LDAH: variants seen among roughly 807,000 people sequenced by gnomAD.
LDAH encodes lipid droplet associated hydrolase, also known as lipid droplet-associated hydrolase.
A neutral mutation model predicts 29.6 loss-of-function variants in LDAH; 26 were observed. That is an observed-to-expected ratio of 0.88 (90% CI 0.64 to 1.22). LDAH has a LOEUF of 1.22. Ranked by LOEUF, LDAH falls within the 50% of genes most tolerant of loss-of-function variation. The pLI, the probability that LDAH is intolerant of heterozygous loss-of-function variation, is 0.00. For missense variants in LDAH, 344 were observed against 387.3 expected (o/e 0.89, Z 0.94); for synonymous variants, 117 against 133.0 (o/e 0.88, Z 0.83).
chr2:20,703,087 A>G (rs1479983438), intron 5 of LDAH, among the ~76,000 whole-genome samples: 5 of 152,208 alleles, frequency 3.3e-5, no homozygotes, highest in Non-Finnish European at 7.3e-5. Context: ...TGGCCTCTCA[A>G]AGTGCTGGGA....
chr2:20,695,285 T>C (rs901461022), intron 6 of LDAH, among the ~76,000 whole-genome samples: 1 of 152,182 alleles, frequency 6.6e-6, no homozygotes, highest in African/African-American at 2.4e-5. Flanking sequence ...TCAGCATCAC[T>C]AATACCTTTC....
intron 4 of LDAH, among the ~76,000 whole-genome samples, chr2:20,746,745 GT>G (rs1233067506): frequency 6.6e-6 from 1 of 151,506 alleles, no homozygotes; most frequent in Non-Finnish European, 1.5e-5. Flanking sequence ...TGTGGTGAAG[GT>G]TTCCAAATCT....
At chr2:20,733,223 TTAA>T (rs767711655) in intron 5 of LDAH, among the ~76,000 whole-genome samples, 40 of 151,502 alleles carry the variant, frequency 2.6e-4, no homozygotes, top group Non-Finnish European at 5.0e-4. Context: ...AGTTTTATTA[TTAA>T]TTATTAATAA....
chr2:20,746,274 T>C (rs1332699350), intron 4 of LDAH, among the ~76,000 whole-genome samples: 1 of 152,204 alleles, frequency 6.6e-6, no homozygotes, highest in Non-Finnish European at 1.5e-5. Context: ...AATCCATTAC[T>C]TTTATAAACG....
Position 20,686,869 on chromosome 2 carries a change from G to T in LDAH, c.*34C>A. On this transcript the variant is annotated 3_prime_UTR_variant, in exon 7 of 7. Transcript: ENST00000237822. ...AGTCTAGTACACTGACTGCCTCCAT[G>T]TACTGGCAGTGGGGGCTTGTTCCTC... 6.4e-7 allele frequency: 1 copy of T among 1,572,644 alleles called. No homozygotes were observed. The highest frequency in any genetic ancestry group is 8.7e-7 in the Non-Finnish European group (1 of 1,148,880).
chr2:20,698,841 C>T lies in LDAH; in HGVS notation c.786+2729G>A, dbSNP rs1313039623. On this transcript the variant is annotated intron_variant, in intron 6 of 6. Transcript: ENST00000237822. The surrounding 1 kb of genome is among the most constrained non-coding windows in gnomAD (Gnocchi z 4.4). ...CAATACTGTGTATAAAGTCACTGGA[C>T]CTCAGAAGGAGGATAATCAGCTCAA... Among the ~76,000 whole-genome samples the T allele has an allele frequency of 1.3e-5, 2 of 152,096 alleles. No homozygotes were observed. Among genetic ancestry groups the T allele is most frequent in the Non-Finnish European group, 2.9e-5 (2 of 68,026 alleles).
intron 6 of LDAH, among the ~76,000 whole-genome samples, chr2:20,690,729 A>G (rs1662947616): frequency 6.6e-6 from 1 of 152,174 alleles, no homozygotes; most frequent in Admixed American, 6.5e-5. Flanking sequence ...AGAAAGAAAG[A>G]GAAACAACTG....
intron 1 of LDAH, among the ~76,000 whole-genome samples, chr2:20,816,065 C>A (rs753868360): frequency 2.0e-5 from 3 of 151,876 alleles, no homozygotes; most frequent in Non-Finnish European, 4.4e-5. Context: ...TAAAAGTATC[C>A]CTTGTGATAA....
At chr2:20,799,219 C>T (rs1462291566) in intron 2 of LDAH, among the ~76,000 whole-genome samples, 1 of 152,058 alleles carries the variant, frequency 6.6e-6, no homozygotes, top group Non-Finnish European at 1.5e-5. Context: ...GAGAGTGAGA[C>T]TCTGTCTAAA....
At chr2:20,737,006 G>A (rs915406162) in intron 5 of LDAH, among the ~76,000 whole-genome samples, 2 of 152,192 alleles carry the variant, frequency 1.3e-5, no homozygotes, top group African/African-American at 4.8e-5. Context: ...ATACAAAGTA[G>A]GGAGAAGACT....
At chr2:20,683,814 G>C (rs941925786), downstream of LDAH, among the ~76,000 whole-genome samples, 1 of 151,958 alleles carries the variant, frequency 6.6e-6, no homozygotes, top group African/African-American at 2.4e-5. Context: ...CATATGCCAG[G>C]CAACATACTA....
chr2:20,705,303 T>G (rs1020414760), intron 5 of LDAH, among the ~76,000 whole-genome samples: 2 of 152,170 alleles, frequency 1.3e-5, no homozygotes, highest in African/African-American at 4.8e-5. Context: ...CTATCCCATC[T>G]CCTTATCCTC....
chr2:20,754,048 T>G (rs779072704), intron 4 of LDAH, among the ~76,000 whole-genome samples: 11 of 152,292 alleles, frequency 7.2e-5, no homozygotes, highest in Non-Finnish European at 1.2e-4. Context: ...AAGAAAGTAC[T>G]ACAGTTAGAA....
intron 6 of LDAH, among the ~76,000 whole-genome samples, chr2:20,691,627 AG>A (rs1284155301): frequency 2.0e-5 from 3 of 152,250 alleles, no homozygotes; most frequent in African/African-American, 7.2e-5. Flanking sequence ...TCAAAGGTTT[AG>A]AAGAAAATAA....
downstream of LDAH, among the ~76,000 whole-genome samples, chr2:20,683,424 C>T (rs767262719): frequency 6.6e-6 from 1 of 152,246 alleles, no homozygotes; most frequent in Non-Finnish European, 1.5e-5. Context: ...TAAGGCCCAC[C>T]CCTAAGGGAA....
intron 5 of LDAH, among the ~76,000 whole-genome samples, chr2:20,727,115 C>T (rs943908090): frequency 3.9e-5 from 6 of 152,146 alleles, no homozygotes; most frequent in South Asian, 2.1e-4. Flanking sequence ...TGACGGCTCA[C>T]ACCTGTAATC....
At chr2:20,767,347 C>T (rs1465363776) in intron 4 of LDAH, among the ~76,000 whole-genome samples, 4 of 152,238 alleles carry the variant, frequency 2.6e-5, no homozygotes, top group Non-Finnish European at 5.9e-5. Flanking sequence ...CATGACCTCT[C>T]CCTGCTCCTG....
chr2:20,820,750 C>T (rs1485462158), intron 1 of LDAH, among the ~76,000 whole-genome samples: 1 of 140,730 alleles, frequency 7.1e-6, no homozygotes, highest in East Asian at 2.0e-4. Flanking sequence ...GCAACAAAAG[C>T]CAAAATTGAC....
intron 3 of LDAH, among the ~76,000 whole-genome samples, chr2:20,776,472 C>T (rs1168096848): frequency 6.6e-6 from 1 of 152,186 alleles, no homozygotes; most frequent in Non-Finnish European, 1.5e-5. Context: ...GTCCAGCATA[C>T]AGTTATTGAA....
Sources: allele counts gnomAD v4.1 joint callset (sites outside exome capture counted in the v4.1 genomes callset), GRCh38; gene constraint gnomAD v4.1.1; non-coding constraint Gnocchi (gnomAD v3.1); transcripts MANE v1.5; gene names NCBI Gene and HGNC (gene_info 2026-07-23, HGNC 2026-07-21).